Variants in TTC39B observed in about 807,000 individuals in gnomAD.
The protein encoded by TTC39B is tetratricopeptide repeat protein 39B.
Under a neutral mutation model 96.6 loss-of-function variants are expected in TTC39B, and 92 were observed. The observed-to-expected ratio is 0.95, with a 90% confidence interval of 0.80 to 1.13. The LOEUF is 1.13. Ranked by LOEUF, TTC39B falls within the 50% of genes most tolerant of loss-of-function variation. The pLI, the probability that TTC39B is intolerant of heterozygous loss-of-function variation, is 0.00. For missense variants in TTC39B, 955 were observed against 809.3 expected, an observed-to-expected ratio of 1.18 and a Z score of -2.18; for synonymous variants, 367 against 299.4, an observed-to-expected ratio of 1.23 and a Z score of -2.33.
chr9:15,277,565 A>G (rs529277828), intron 1 of TTC39B, among the ~76,000 whole-genome samples: 103 of 152,220 alleles, frequency 6.8e-4, no homozygotes, highest in African/African-American at 2.1e-3. Context: ...TGGCCAACAC[A>G]GTGAGACATT....
At chr9:15,218,981 G>A (rs1820688710) in intron 3 of TTC39B, among the ~76,000 whole-genome samples, 1 of 152,040 alleles carries the variant, frequency 6.6e-6, no homozygotes, top group Non-Finnish European at 1.5e-5. Flanking sequence ...ATGTTAGACA[G>A]GGAAATAACT....
At chr9:15,171,855 T>A (rs1319801703) in exon 20 of TTC39B, 2 of 444,916 alleles carry the variant, frequency 4.5e-6, no homozygotes, top group Admixed American at 8.1e-5. Flanking sequence ...GGAAAAAAAA[T>A]TATGTAGACC....
intron 4 of TTC39B, among the ~76,000 whole-genome samples, chr9:15,213,891 TATAAG>T (rs1397867976): frequency 1.3e-5 from 2 of 152,208 alleles, no homozygotes; most frequent in Non-Finnish European, 2.9e-5. Flanking sequence ...TAAAACTACT[TATAAG>T]ATGACAATAT....
rs780596213 is a variant in TTC39B, at chr9:15,177,738, C to T, written c.1800G>A (p.Arg600=). 9.9e-6 allele frequency: 16 copies of T among 1,613,524 alleles called. No homozygotes were observed. The East Asian group carries it at 1.3e-4, about 13-fold the overall frequency. Reference sequence around the variant, plus strand: ...TGTAACATAGTTCAGCTTGCAAGGGCCGCTGTAAGTTCTTGAGGCAACATC... The same window carrying T: ...TGTAACATAGTTCAGCTTGCAAGGGTCGCTGTAAGTTCTTGAGGCAACATC... The change falls in exon 18 of 20, where the codon CGG becomes CGA. Residue 600 remains arginine (R), a synonymous_variant. Coordinates refer to ENST00000512701, the Ensembl canonical transcript of TTC39B.
At chr9:15,254,689 T>G (rs1339235307) in intron 2 of TTC39B, among the ~76,000 whole-genome samples, 1 of 152,114 alleles carries the variant, frequency 6.6e-6, no homozygotes, top group Non-Finnish European at 1.5e-5. Flanking sequence ...AGGCTTAATT[T>G]TCTTACAGTG....
chr9:15,291,077 C>T (rs952042794), intron 1 of TTC39B, among the ~76,000 whole-genome samples: 2 of 152,228 alleles, frequency 1.3e-5, no homozygotes, highest in African/African-American at 2.4e-5. Context: ...CATTGTTAGA[C>T]AGCATTAAAG....
intron 2 of TTC39B, among the ~76,000 whole-genome samples, chr9:15,232,959 C>A (rs1467519842): frequency 6.6e-6 from 1 of 152,178 alleles, no homozygotes; most frequent in African/African-American, 2.4e-5. Flanking sequence ...GGGACTCTTT[C>A]CCTGAACTAT....
At chr9:15,250,032 A>C in intron 2 of TTC39B, 1 of 1,286,630 alleles carries the variant, frequency 7.8e-7, no homozygotes, top group Non-Finnish European at 1.0e-6. Context: ...GACAAACCTC[A>C]ATTTTAGAGC....
At chr9:15,276,265 T>A (rs963918908) in intron 1 of TTC39B, among the ~76,000 whole-genome samples, 1 of 152,238 alleles carries the variant, frequency 6.6e-6, no homozygotes. Flanking sequence ...GAGGGCCAGA[T>A]ACAACACGAG....
rs1564353483 is a variant in TTC39B, at chr9:15,214,052, C to G, written c.482+87G>C. The stretch of plus-strand genomic sequence containing the variant: ...TAGCTTATCAATATTCAGATGGGAA[C>G]AGCTAAATTAATTTACAAGCATGAC... On this transcript the variant is annotated intron_variant, in intron 4 of 19. Transcript: ENST00000512701. 3.0e-6 allele frequency: 3 copies of G among 998,162 alleles called. No individual in the cohort carries two copies. In the Admixed American group the frequency reaches 6.4e-5, roughly 21 times the overall value. 61.8% of individuals were successfully genotyped at this position (998,162 alleles called of 1,614,324 possible).
intron 6 of TTC39B, among the ~76,000 whole-genome samples, chr9:15,208,434 C>T (rs1406395919): frequency 1.3e-5 from 2 of 151,874 alleles, no homozygotes; most frequent in Non-Finnish European, 2.9e-5. Context: ...AAAAGGGAGG[C>T]AGAGGTCAAT....
chr9:15,252,627 A>C (rs1294078096), intron 2 of TTC39B, among the ~76,000 whole-genome samples: 1 of 152,184 alleles, frequency 6.6e-6, no homozygotes, highest in Admixed American at 6.5e-5. Context: ...CAGCGTGGGC[A>C]ACAAGAGTGA....
chr9:15,253,627 T>A (rs1822645356), intron 2 of TTC39B, among the ~76,000 whole-genome samples: 1 of 152,252 alleles, frequency 6.6e-6, no homozygotes, highest in African/African-American at 2.4e-5. Flanking sequence ...CCTGTATTTC[T>A]TCTTTTAATT....
intron 2 of TTC39B, among the ~76,000 whole-genome samples, chr9:15,242,601 AAAG>A (rs1822095834): frequency 6.6e-6 from 1 of 152,180 alleles, no homozygotes; most frequent in Admixed American, 6.5e-5. Context: ...AGAAAGAAAG[AAAG>A]AAGAATTGGA....
chr9:15,288,809 G>A (rs748408752), intron 1 of TTC39B, among the ~76,000 whole-genome samples: 1 of 152,356 alleles, frequency 6.6e-6, no homozygotes. Flanking sequence ...GAGCCCAGGG[G>A]CACTTGCCCC....
At chr9:15,251,700 C>CATACATATATATAT (rs1554624735) in intron 2 of TTC39B, among the ~76,000 whole-genome samples, 5 of 98,346 alleles carry the variant, frequency 5.1e-5, no homozygotes, top group African/African-American at 1.6e-4. Context: ...CATACATATA[C>CATACATATATATAT]ATATATATAT....
exon 20 of TTC39B, chr9:15,168,943 TA>T (rs60882827): frequency 0.7 from 106,388 of 151,862 alleles, 37,753 homozygotes; most frequent in East Asian, 0.94. Context: ...TTTGAAATGG[TA>T]GGGGGGGAGC....
intron 2 of TTC39B, among the ~76,000 whole-genome samples, chr9:15,252,232 AAATT>A (rs1554624856): frequency 6.6e-6 from 1 of 152,304 alleles, no homozygotes; most frequent in African/African-American, 2.4e-5. Context: ...TTTCCTTTCA[AAATT>A]AATTAAGTCC....
At chr9:15,192,812 A>C (rs1818934848) in intron 8 of TTC39B, 117 bp from the exon 9 acceptor site, 21 of 687,602 alleles carry the variant, frequency 3.1e-5, no homozygotes, top group Non-Finnish European at 4.6e-5. Flanking sequence ...AATACCATCA[A>C]AATTTTAAAG....
Sources: gnomAD v4.1 joint callset for allele counts (sites outside exome capture counted in the v4.1 genomes callset) on GRCh38, gnomAD v4.1.1 for gene constraint, MANE v1.5 for transcripts, NCBI Gene and HGNC (gene_info 2026-07-23, HGNC 2026-07-21) for gene names.